The following ATP9B variants were observed in gnomAD, a reference collection of about 807,000 sequenced individuals.
ATP9B encodes ATPase phospholipid transporting 9B, also known as probable phospholipid-transporting ATPase IIB.
Under a neutral mutation model 146.1 loss-of-function variants are expected in ATP9B, and 110 were observed. The observed-to-expected ratio is 0.75, with a 90% CI of 0.65 to 0.88. The LOEUF is 0.88. ATP9B is among the 40% of genes least tolerant of loss of function. The probability of loss-of-function intolerance (pLI) is 0.00; values close to 1 mark genes in which losing one functional copy is unlikely to be tolerated. For synonymous variants in ATP9B, 604 were observed against 569.7 expected, an observed-to-expected ratio of 1.06 and a Z score of -0.86; for missense variants, 1,499 against 1,496.4, an observed-to-expected ratio of 1.00 and a Z score of -0.03.
chr18:79,222,431 A>C (rs2095689082), intron 11 of ATP9B, among the ~76,000 whole-genome samples: 1 of 151,634 alleles, frequency 6.6e-6, no homozygotes, highest in African/African-American at 2.4e-5. Flanking sequence ...TTGTCCCCAC[A>C]CTCTAGGTGA....
intron 2 of ATP9B, among the ~76,000 whole-genome samples, chr18:79,100,428 A>G (rs1485380802): frequency 6.6e-6 from 1 of 152,168 alleles, no homozygotes; most frequent in African/African-American, 2.4e-5. Context: ...GATGATGGAC[A>G]TTTAGGATTA....
At chr18:79,209,423 G>C (rs982863233) in intron 10 of ATP9B, 1 of 152,066 alleles carries the variant, frequency 6.6e-6, no homozygotes, top group Admixed American at 6.6e-5. Flanking sequence ...ATTAAATGTT[G>C]TTACTGATCC....
chr18:79,084,331 A>G (rs1295621630), intron 1 of ATP9B, among the ~76,000 whole-genome samples: 3 of 151,844 alleles, frequency 2.0e-5, no homozygotes, highest in African/African-American at 7.3e-5. Context: ...CTATCCCCCA[A>G]CCACCATATC....
At position 79,253,438 on chromosome 18, in the gene ATP9B, G is replaced by A; in HGVS notation, c.1165G>A (p.Val389Ile). 1.2e-6 allele frequency: 2 copies of A among 1,613,348 alleles called. No homozygotes were observed. Among genetic ancestry groups the A allele is most frequent in the African/African-American group, 1.3e-5 (1 of 75,008 alleles). Reference sequence around the variant, plus strand: ...GACGAAAGCGCTATTTTTGGCTTTAGTTGCTCTTTCCATTGTTATGGTAAC... The same window carrying A: ...GACGAAAGCGCTATTTTTGGCTTTAATTGCTCTTTCCATTGTTATGGTAAC... ...RLTKALFLAL[V>I]ALSIVMVTLQ... Residue 389 changes from valine to isoleucine, a missense_variant, in exon 12 of 30, where the codon GTT (valine) becomes ATT (isoleucine). Val to Ile is a conservative substitution (Grantham distance 29). Coordinates refer to ENST00000426216, the MANE Select transcript of ATP9B (RefSeq NM_198531.5).
rs576095649 is a variant in ATP9B, at chr18:79,100,299, T to C, written c.293+3650T>C. On this transcript the variant is annotated intron_variant, in intron 2 of 29. Coordinates refer to ENST00000426216, the MANE Select transcript of ATP9B (RefSeq NM_198531.5). ...GAAGTCATAGTTGTTGGTTGTCTAG[T>C]TCAAATCTGTGTTGCTGTTCATGGT... is the stretch of plus-strand genomic sequence containing the variant. Among the ~76,000 whole-genome samples, 442 of 152,348 alleles carry C rather than the reference T, an allele frequency of 2.9e-3. 5 individuals are homozygous for C. The highest frequency in any genetic ancestry group is 6.5e-4 in the Non-Finnish European group (44 of 68,024).
chr18:79,360,573 A>G (rs1005253361), intron 26 of ATP9B: 1 of 152,242 alleles, frequency 6.6e-6, no homozygotes, highest in African/African-American at 2.4e-5. Context: ...AACCACTGAC[A>G]AACTAGACTC....
chr18:79,247,300 A>G (rs1453204962), intron 11 of ATP9B, among the ~76,000 whole-genome samples: 2 of 152,192 alleles, frequency 1.3e-5, no homozygotes, highest in African/African-American at 4.8e-5. Flanking sequence ...AAGGGCGAGC[A>G]TGAGATGTGT....
intron 15 of ATP9B, among the ~76,000 whole-genome samples, chr18:79,321,457 A>G (rs893290702): frequency 4.0e-5 from 6 of 150,506 alleles, no homozygotes; most frequent in Admixed American, 4.0e-4. Context: ...ATCTCAGCTC[A>G]CTGCAACCTC....
intron 15 of ATP9B, among the ~76,000 whole-genome samples, chr18:79,319,881 T>A (rs1310145191): frequency 1.3e-5 from 2 of 152,212 alleles, no homozygotes; most frequent in Non-Finnish European, 2.9e-5. Context: ...ATTAATTTAT[T>A]ATTAACCTAT....
chr18:79,364,141 C>T (rs112089184), intron 26 of ATP9B: 34,310 of 151,748 alleles, frequency 0.23, 4,492 homozygotes, highest in East Asian at 0.45. Flanking sequence ...TGGCGCGCAC[C>T]TGTAGTCCCA....
Position 79,306,989 on chromosome 18 carries a change from C to G in ATP9B, c.1528C>G (p.Gln510Glu). 2 of 1,613,868 alleles carry G rather than the reference C, an allele frequency of 1.2e-6. No individual in the cohort carries two copies. The highest frequency in any genetic ancestry group is 1.7e-6 in the Non-Finnish European group (2 of 1,179,776). ...TGTGACGTTTCATATTCTAAAGATG[C>G]AGTCTCAAGCTGGTGGAAACAATAC... Reference protein sequence around the residue: ...SHVRDSYSQMQSQAGGNNTGS... With the variant: ...SHVRDSYSQMESQAGGNNTGS... Residue 510 changes from glutamine to glutamate, a missense_variant, in exon 15 of 30, where the codon CAG (glutamine) becomes GAG (glutamate). Gln to Glu is a conservative substitution (Grantham distance 29). Coordinates refer to ENST00000426216, the MANE Select transcript of ATP9B (RefSeq NM_198531.5).
chr18:79,101,972 G>A (rs771843728), intron 2 of ATP9B, among the ~76,000 whole-genome samples: 7 of 151,770 alleles, frequency 4.6e-5, no homozygotes, highest in Non-Finnish European at 1.0e-4. Context: ...TTGAGACGGA[G>A]TCTCGCTCTG....
intron 19 of ATP9B, 63 bp downstream of exon 19, chr18:79,337,512 T>C: frequency 6.4e-7 from 1 of 1,556,560 alleles, no homozygotes; most frequent in South Asian, 1.2e-5. Flanking sequence ...TGCTTTTCCT[T>C]GGGCATGGTG....
chr18:79,114,810 C>T (rs1462691367), intron 4 of ATP9B, among the ~76,000 whole-genome samples: 3 of 152,124 alleles, frequency 2.0e-5, no homozygotes, highest in Non-Finnish European at 4.4e-5. Flanking sequence ...GCATAGTGTG[C>T]ATGCATGCCT....
chr18:79,367,844 A>G (rs11876523), intron 26 of ATP9B, among the ~76,000 whole-genome samples: 5,289 of 152,368 alleles, frequency 0.035, 311 homozygotes, highest in African/African-American at 0.12. Context: ...CATTCCAAAA[A>G]GACATGTCCG....
chr18:79,201,558 T>C (rs553574845), intron 9 of ATP9B, among the ~76,000 whole-genome samples: 2 of 152,010 alleles, frequency 1.3e-5, no homozygotes, highest in African/African-American at 2.4e-5. Context: ...CTGGGCAACA[T>C]TGGGAGACCT....
At chr18:79,260,676 A>G (rs2096131034) in intron 12 of ATP9B, among the ~76,000 whole-genome samples, 1 of 152,244 alleles carries the variant, frequency 6.6e-6, no homozygotes, top group African/African-American at 2.4e-5. Context: ...CCAGAATCTT[A>G]CAGGCAGGAA....
intron 15 of ATP9B, among the ~76,000 whole-genome samples, chr18:79,328,288 G>A (rs1012563636): frequency 1.9e-4 from 29 of 152,192 alleles, no homozygotes; most frequent in Non-Finnish European, 3.4e-4. Flanking sequence ...TGGTAGGGAG[G>A]TTGCTTTTAA....
chr18:79,235,347 A>G (rs980128415), intron 11 of ATP9B, among the ~76,000 whole-genome samples: 5 of 152,224 alleles, frequency 3.3e-5, no homozygotes, highest in African/African-American at 4.8e-5. Context: ...CCATAGAGCA[A>G]TATAAACTAG....
Sources: allele counts gnomAD v4.1 joint callset (sites outside exome capture counted in the v4.1 genomes callset), GRCh38; gene constraint gnomAD v4.1.1; transcripts MANE v1.5; gene names NCBI Gene and HGNC (gene_info 2026-07-23, HGNC 2026-07-21).